MTCH2: variants seen among roughly 807,000 people sequenced by gnomAD.
MTCH2 encodes the protein mitochondrial carrier 2, also known as mitochondrial carrier homolog 2.
Under a neutral mutation model 50.6 loss-of-function variants are expected in MTCH2, and 25 were observed. The ratio of observed to expected loss-of-function variants is 0.49; its 90% CI spans 0.36 to 0.69. MTCH2 has a LOEUF of 0.69. MTCH2 is among the 30% of genes least tolerant of loss of function. The pLI, the probability that MTCH2 is intolerant of heterozygous loss-of-function variation, is 0.00. For synonymous variants in MTCH2, 106 were observed against 132.0 expected (o/e 0.80, Z 1.35); for missense variants, 273 against 384.4 (o/e 0.71, Z 2.42).
At chr11:47,630,639 A>G in intron 7 of MTCH2, 25 bp from the exon 8 acceptor site, 1 of 1,578,552 alleles carries the variant, frequency 6.3e-7, no homozygotes, top group Non-Finnish European at 8.7e-7. Context: ...AGAAAAGGTA[A>G]AATATATTAA....
intron 3 of MTCH2, among the ~76,000 whole-genome samples, chr11:47,636,476 A>G (rs1187709640): frequency 6.6e-6 from 1 of 151,960 alleles, no homozygotes; most frequent in Non-Finnish European, 1.5e-5. Flanking sequence ...TCACGCCTGT[A>G]ATCCCAGCAC....
At chr11:47,616,606 T>A (rs962778134), downstream of MTCH2, among the ~76,000 whole-genome samples, 3 of 149,978 alleles carry the variant, frequency 2.0e-5, no homozygotes, top group Non-Finnish European at 4.4e-5. Context: ...GGATTACAGG[T>A]ATGGGCCACC....
In MTCH2 at chr11:47,631,707, G is replaced by C; in HGVS notation, c.374C>G (p.Thr125Ser). The part of the protein sequence containing the change: ...SSFDHVIKET[T>S]REMIARSAAT... ...AGCAGAACGAGCGATCATCTCTCGA[G>C]TTGTCTAGAAACAATCAACACACAC... Residue 125 changes from threonine (T) to serine (S), a missense_variant, in exon 6 of 13, where the codon ACT becomes AGT. Coordinates refer to ENST00000302503, the MANE Select transcript of MTCH2 (RefSeq NM_014342.4). 1 of 1,614,068 alleles carries C rather than the reference G, an allele frequency of 6.2e-7. No individual in the cohort carries two copies. The highest frequency in any genetic ancestry group is 8.5e-7 in the Non-Finnish European group (1 of 1,179,976).
chr11:47,631,883 T>G (rs2097303410), intron 5 of MTCH2, among the ~76,000 whole-genome samples, 172 bp from the exon 6 acceptor site: 1 of 152,168 alleles, frequency 6.6e-6, no homozygotes, highest in Admixed American at 6.6e-5. Flanking sequence ...TCTCATTCAT[T>G]GTCATTTTAT....
At chr11:47,640,044 C>T (rs2097312556) in intron 1 of MTCH2, among the ~76,000 whole-genome samples, 1 of 151,948 alleles carries the variant, frequency 6.6e-6, no homozygotes, top group Admixed American at 6.6e-5. Flanking sequence ...TTAAGTAACT[C>T]CTGGGCTGGC....
At position 47,631,724 on chromosome 11, in the gene MTCH2, AAC is replaced by A. The variant is rs1251734889; in HGVS notation, c.370-15_370-14del. 2 of 1,613,824 alleles carry A rather than the reference AAC, an allele frequency of 1.2e-6. No homozygotes were observed. Among genetic ancestry groups the A allele is most frequent in the South Asian group, 1.1e-5 (1 of 91,090 alleles). ...TCTCTCGAGTTGTCTAGAAACAATCAACACACACTTCTGAAATCTAAACAAAT... is the reference window on the plus strand; with the variant it reads ...TCTCTCGAGTTGTCTAGAAACAATCAACACACTTCTGAAATCTAAACAAAT... On this transcript the variant is annotated splice_polypyrimidine_tract_variant and intron_variant, in intron 5 of 12. Transcript: ENST00000302503.
chr11:47,634,994 A>G (rs1234347357), intron 4 of MTCH2, among the ~76,000 whole-genome samples: 1 of 151,754 alleles, frequency 6.6e-6, no homozygotes, highest in African/African-American at 2.4e-5. Context: ...GATGGTCTCG[A>G]TTTCCTGACC....
At chr11:47,636,553 G>A (rs1028189426) in intron 3 of MTCH2, among the ~76,000 whole-genome samples, 2 of 151,770 alleles carry the variant, frequency 1.3e-5, no homozygotes, top group African/African-American at 4.8e-5. Context: ...CTGACATGGC[G>A]AAACCCCCTC....
rs1199788080 is a variant in MTCH2, at chr11:47,638,974, A to G, written c.165T>C (p.Phe55=). 6.2e-7 allele frequency: 1 copy of G among 1,612,928 alleles called. No homozygotes were observed. The highest frequency in any genetic ancestry group is 1.3e-5 in the African/African-American group (1 of 74,898). Residue 55 remains phenylalanine, a synonymous_variant, in exon 2 of 13, where the codon TTT becomes TTC. Transcript: ENST00000302503. ...GRQVCQLPGL[F]SYAQHIASID... ...TAAATCAAAGGCACTTACCATAACT[A>G]AAGAGACCAGGAAGCTGACACACTT...
chr11:47,628,074 A>C (rs2097299684), intron 9 of MTCH2, among the ~76,000 whole-genome samples: 1 of 152,168 alleles, frequency 6.6e-6, no homozygotes. Flanking sequence ...GCGTTGAAGA[A>C]AATCCCTCTC....
chr11:47,609,280 C>T, the MTCH2 span, among the ~76,000 whole-genome samples: 2 of 151,162 alleles, frequency 1.3e-5, no homozygotes, highest in Non-Finnish European at 2.9e-5. Flanking sequence ...CATGGCAAAA[C>T]CCCGTCTCTA....
chr11:47,624,808 C>A (rs2097296479), intron 11 of MTCH2, among the ~76,000 whole-genome samples: 2 of 152,124 alleles, frequency 1.3e-5, no homozygotes, highest in African/African-American at 4.8e-5. Context: ...TAAAAATAGG[C>A]CAGGTGCAGT....
chr11:47,611,332 A>G, the MTCH2 span, among the ~76,000 whole-genome samples: 11 of 152,146 alleles, frequency 7.2e-5, no homozygotes, highest in African/African-American at 2.7e-4. Flanking sequence ...TGTTGTTTCC[A>G]TCTTCACCCT....
At chr11:47,622,077 T>C (rs2097293821) in intron 12 of MTCH2, among the ~76,000 whole-genome samples, 1 of 152,048 alleles carries the variant, frequency 6.6e-6, no homozygotes, top group Non-Finnish European at 1.5e-5. Flanking sequence ...TTGCCTCAAC[T>C]GGTCTCAAAC....
At chr11:47,620,135 G>A (rs2097291962) in intron 12 of MTCH2, among the ~76,000 whole-genome samples, 1 of 151,746 alleles carries the variant, frequency 6.6e-6, no homozygotes, top group African/African-American at 2.4e-5. Flanking sequence ...AAAAACAGGG[G>A]TGAGGGGGGA....
chr11:47,638,013 T>C (rs1013977088), intron 3 of MTCH2, among the ~76,000 whole-genome samples: 1 of 152,228 alleles, frequency 6.6e-6, no homozygotes, highest in Non-Finnish European at 1.5e-5. Flanking sequence ...CAGCCCTGCA[T>C]AGATCCTTCT....
chr11:47,639,207 T>C (rs1288784563), intron 1 of MTCH2, among the ~76,000 whole-genome samples, 156 bp from the exon 2 acceptor site: 1 of 152,242 alleles, frequency 6.6e-6, no homozygotes, highest in Non-Finnish European at 1.5e-5. Context: ...ATCATTCTTG[T>C]AGGTTTTTCT....
downstream of MTCH2, among the ~76,000 whole-genome samples, chr11:47,613,919 A>C (rs2097286887): frequency 6.6e-6 from 1 of 152,148 alleles, no homozygotes; most frequent in Non-Finnish European, 1.5e-5. Flanking sequence ...GCCCGTCTCT[A>C]CTAAAAATAC....
the MTCH2 span, among the ~76,000 whole-genome samples, chr11:47,610,186 CCT>C: frequency 1.3e-5 from 2 of 152,050 alleles, no homozygotes; most frequent in Admixed American, 1.3e-4. Flanking sequence ...TGTGCCAGTC[CCT>C]GTTCTAGGTG....
Sources: gnomAD v4.1 joint callset for allele counts (sites outside exome capture counted in the v4.1 genomes callset) on GRCh38, gnomAD v4.1.1 for gene constraint, MANE v1.5 for transcripts, NCBI Gene and HGNC (gene_info 2026-07-23, HGNC 2026-07-21) for gene names.